The following RFX2 variants were observed in gnomAD, a reference collection of about 807,000 sequenced individuals.
RFX2 encodes the protein DNA-binding protein RFX2.
A neutral mutation model predicts 87.8 loss-of-function variants in RFX2; 20 were observed. The ratio of observed to expected loss-of-function variants is 0.23; its 90% CI spans 0.16 to 0.33. The LOEUF (loss-of-function observed/expected upper bound fraction) is 0.33. RFX2 is among the 10% of genes least tolerant of loss of function. The probability of loss-of-function intolerance (pLI) is 1.00; values close to 1 mark genes in which losing one functional copy is unlikely to be tolerated. For missense variants in RFX2, 767 were observed against 1,012.3 expected (o/e 0.76, Z 3.29); for synonymous variants, 397 against 431.3 (o/e 0.92, Z 0.98).
At chr19:6,062,707 G>T (rs1347513468) in intron 1 of RFX2, among the ~76,000 whole-genome samples, 1 of 152,216 alleles carries the variant, frequency 6.6e-6, no homozygotes, top group Non-Finnish European at 1.5e-5. Context: ...CGTGGGGAGT[G>T]ACTGTATGAG....
intron 1 of RFX2, among the ~76,000 whole-genome samples, chr19:6,079,913 G>A (rs1314651028): frequency 2.0e-5 from 3 of 148,210 alleles, no homozygotes; most frequent in South Asian, 2.2e-4. Flanking sequence ...GTATGCAAGT[G>A]TGAAAAACCA....
At chr19:6,019,509 A>AGTGTGTGT (rs1363381067) in intron 6 of RFX2, among the ~76,000 whole-genome samples, 2 of 69,910 alleles carry the variant, frequency 2.9e-5, no homozygotes, top group African/African-American at 1.7e-4. Context: ...TTAGTGTGTG[A>AGTGTGTGT]GTATGTGTGT....
intron 5 of RFX2, among the ~76,000 whole-genome samples, chr19:6,032,950 A>T (rs2086970242): frequency 6.6e-6 from 1 of 152,146 alleles, no homozygotes; most frequent in African/African-American, 2.4e-5. Flanking sequence ...CACCACAACC[A>T]GGGAATTTTT....
At chr19:6,000,293 T>A (rs985699234) in intron 15 of RFX2, among the ~76,000 whole-genome samples, 1 of 152,224 alleles carries the variant, frequency 6.6e-6, no homozygotes, top group Non-Finnish European at 1.5e-5. Flanking sequence ...CCAGGCAAAC[T>A]CGTTTTCACG....
intron 1 of RFX2, among the ~76,000 whole-genome samples, chr19:6,106,233 A>ATCCG: frequency 6.9e-6 from 1 of 145,420 alleles, no homozygotes; most frequent in East Asian, 2.0e-4. Flanking sequence ...CGGCCTGCCC[A>ATCCG]TCCATCCATC....
rs1246667641 is a variant in RFX2, at chr19:6,016,194, A to G, written c.675T>C (p.Leu225=). ...LPRSSLYNHY[L]RHCQEHKLDP... Reference sequence around the variant, plus strand: ...CTAGCTTGTGCTCCTGGCAGTGCCGAAGGTAGTGGTTGTAAAGAGAACTTC... The same window carrying G: ...CTAGCTTGTGCTCCTGGCAGTGCCGGAGGTAGTGGTTGTAAAGAGAACTTC... Residue 225 remains leucine, a synonymous_variant, in exon 7 of 18, where the codon CTT becomes CTC. Coordinates refer to ENST00000303657, the MANE Select transcript of RFX2 (RefSeq NM_000635.4). The surrounding 1 kb of genome is among the most constrained non-coding windows in gnomAD (Gnocchi z 5.4). 6.2e-7 allele frequency: 1 copy of G among 1,614,046 alleles called. No individual in the cohort carries two copies. Among genetic ancestry groups the G allele is most frequent in the East Asian group, 2.2e-5 (1 of 44,880 alleles).
rs567631626 is a variant in RFX2 at position 6,039,873 on chromosome 19, C to A, written c.522+107G>T. On this transcript the variant is annotated intron_variant, in intron 5 of 17. Transcript: ENST00000303657. This position sits in a 1 kb window ranked among gnomAD's most constrained non-coding sequence, Gnocchi z 5.2. ...TGGGGCCGCCTGGGCCCAGAGCAGA[C>A]GACAGCCCCTCCGGGCCTCCGGCTG... The A allele has an allele frequency of 7.4e-7, 1 of 1,345,798 alleles. No individual in the cohort carries two copies. Among genetic ancestry groups the A allele is most frequent in the East Asian group, 2.6e-5 (1 of 38,592 alleles). 83.4% of individuals were successfully genotyped at this position (1,345,798 alleles called of 1,614,324 possible).
chr19:6,098,072 AT>A (rs1321726471), intron 1 of RFX2, among the ~76,000 whole-genome samples: 2 of 152,176 alleles, frequency 1.3e-5, no homozygotes, highest in Non-Finnish European at 2.9e-5. Flanking sequence ...ATCACACAGC[AT>A]TGAACATTCT....
chr19:6,094,339 A>G (rs933561008), intron 1 of RFX2, among the ~76,000 whole-genome samples: 7 of 152,158 alleles, frequency 4.6e-5, no homozygotes, highest in Non-Finnish European at 1.0e-4. Context: ...AGGATCCCAA[A>G]GTCCTGAAAT....
At position 6,040,506 on chromosome 19, in the gene RFX2, T is replaced by C. The variant is rs1055057304; in HGVS notation, c.261-265A>G. Among the ~76,000 whole-genome samples the C allele has an allele frequency of 6.6e-6, 1 of 152,190 alleles. No individual in the cohort carries two copies. The highest frequency in any genetic ancestry group is 6.5e-5 in the Admixed American group (1 of 15,286). On this transcript the variant is annotated intron_variant, in intron 4 of 17. Coordinates refer to ENST00000303657, the MANE Select transcript of RFX2 (RefSeq NM_000635.4). The surrounding 1 kb of genome is among the most constrained non-coding windows in gnomAD (Gnocchi z 6.1). Reference sequence around the variant, plus strand: ...CAGGCGTGGTGGCTCACGCCTGTAATCCCAGCACTTTGGGAGGCTAAGGTG... The same window carrying C: ...CAGGCGTGGTGGCTCACGCCTGTAACCCCAGCACTTTGGGAGGCTAAGGTG...
intron 2 of RFX2, among the ~76,000 whole-genome samples, chr19:6,046,379 G>C (rs749627729): frequency 1.9e-4 from 29 of 151,906 alleles, no homozygotes; most frequent in Non-Finnish European, 3.7e-4. Flanking sequence ...TCAGGAGTTC[G>C]AGACCAGCCT....
chr19:6,037,758 T>A (rs2087044086), intron 5 of RFX2, among the ~76,000 whole-genome samples: 7 of 152,216 alleles, frequency 4.6e-5, no homozygotes, highest in Admixed American at 4.6e-4. Flanking sequence ...ATTTTAGACT[T>A]ACTATAAAGC....
intron 1 of RFX2, among the ~76,000 whole-genome samples, chr19:6,104,282 T>A (rs2088174092): frequency 6.6e-6 from 1 of 152,032 alleles, no homozygotes; most frequent in African/African-American, 2.4e-5. Context: ...TAAAAAAAAT[T>A]TTTTTGGCCG....
intron 1 of RFX2, chr19:6,078,368 G>C (rs1482142474): frequency 6.8e-6 from 1 of 147,436 alleles, no homozygotes; most frequent in Non-Finnish European, 1.5e-5. Context: ...GTATATTGAC[G>C]ACCTGTCCCC....
rs1369425324 is a variant in RFX2 at position 6,110,107 on chromosome 19, G to A, written c.-9+286C>T. On this transcript the variant is annotated intron_variant, in intron 1 of 17. Transcript: ENST00000303657. This position sits in a 1 kb window ranked among gnomAD's most constrained non-coding sequence, Gnocchi z 4.3. ...GAGTTTGAAGGTAAGCGTGAGAAAG[G>A]GGTCCCCGGACGCCCCAACCTCAGG... Among the ~76,000 whole-genome samples the A allele has an allele frequency of 6.6e-6, 1 of 152,154 alleles. No homozygotes were observed. The highest frequency in any genetic ancestry group is 2.4e-5 in the African/African-American group (1 of 41,440).
rs77960277 is a variant in RFX2 at position 6,026,780 on chromosome 19, G to A, written c.523-543C>T. On this transcript the variant is annotated intron_variant, in intron 5 of 17. Coordinates refer to ENST00000303657, the MANE Select transcript of RFX2 (RefSeq NM_000635.4). The surrounding 1 kb of genome is among the most constrained non-coding windows in gnomAD (Gnocchi z 4.5). The stretch of plus-strand genomic sequence containing the variant: ...ACTCAGACCCTGCCACCAGGAGGCC[G>A]TAGGATCCAGGGCCACTGGACACTG... 4.4e-3 allele frequency: 699 copies of A among 159,196 alleles called. 7 individuals carry two copies. In the East Asian group the frequency reaches 0.071, roughly 16 times the overall value. 9.9% of individuals were successfully genotyped at this position (159,196 alleles called of 1,614,324 possible).
At chr19:6,057,868 G>A (rs533675677) in intron 1 of RFX2, among the ~76,000 whole-genome samples, 23 of 152,224 alleles carry the variant, frequency 1.5e-4, no homozygotes, top group Admixed American at 2.6e-4. Context: ...TCCTTCTCCC[G>A]GCTCCCCTCT....
intron 1 of RFX2, among the ~76,000 whole-genome samples, chr19:6,093,580 G>A (rs1430545746): frequency 6.6e-6 from 1 of 151,988 alleles, no homozygotes; most frequent in African/African-American, 2.4e-5. Context: ...AAGTACTTAG[G>A]ACAGGAGTGG....
intron 5 of RFX2, among the ~76,000 whole-genome samples, chr19:6,037,275 C>T (rs1457109187): frequency 7.0e-6 from 1 of 142,248 alleles, no homozygotes; most frequent in African/African-American, 2.7e-5. Flanking sequence ...CAGAGAGAGA[C>T]TCTGTCTCAA....
Sources: gnomAD v4.1 joint callset for allele counts (sites outside exome capture counted in the v4.1 genomes callset) on GRCh38, gnomAD v4.1.1 for gene constraint, Gnocchi (gnomAD v3.1) non-coding constraint, MANE v1.5 for transcripts, NCBI Gene and HGNC (gene_info 2026-07-23, HGNC 2026-07-21) for gene names.